The following NLGN1 variants were observed in gnomAD, a reference collection of about 807,000 sequenced individuals.
NLGN1 encodes neuroligin-1.
A neutral mutation model predicts 65.5 loss-of-function variants in NLGN1; 12 were observed. That is an observed-to-expected ratio of 0.18 (90% confidence interval 0.12 to 0.30). The LOEUF is 0.30. Ranked by LOEUF, NLGN1 falls within the 10% of genes least tolerant of loss-of-function variation. The pLI, the probability that NLGN1 is intolerant of heterozygous loss-of-function variation, is 1.00. For synonymous variants in NLGN1, 350 were observed against 359.5 expected (o/e 0.97, Z 0.30); for missense variants, 750 against 1,007.1 (o/e 0.74, Z 3.46).
At chr3:173,652,725 C>A (rs904200653) in intron 3 of NLGN1, among the ~76,000 whole-genome samples, 2 of 152,046 alleles carry the variant, frequency 1.3e-5, no homozygotes, top group Non-Finnish European at 2.9e-5. Flanking sequence ...TTTGGCTATT[C>A]GAGCTCTTTT....
chr3:174,135,538 C>T (rs781218088), intron 4 of NLGN1, among the ~76,000 whole-genome samples: 1 of 152,018 alleles, frequency 6.6e-6, no homozygotes, highest in Non-Finnish European at 1.5e-5. Flanking sequence ...TTTTTATTCA[C>T]TCTAGTTTTT....
At chr3:173,895,102 T>A (rs1201105219) in intron 4 of NLGN1, among the ~76,000 whole-genome samples, 1 of 152,134 alleles carries the variant, frequency 6.6e-6, no homozygotes, top group Non-Finnish European at 1.5e-5. Context: ...GATCTAATAA[T>A]TCAGTTTCTT....
At chr3:174,116,783 A>C (rs1716579734) in intron 4 of NLGN1, among the ~76,000 whole-genome samples, 1 of 152,200 alleles carries the variant, frequency 6.6e-6, no homozygotes, top group Non-Finnish European at 1.5e-5. Flanking sequence ...AGATAATGGC[A>C]ATTGAAATAG....
At chr3:174,160,298 A>C (rs990649379) in intron 4 of NLGN1, among the ~76,000 whole-genome samples, 1 of 151,728 alleles carries the variant, frequency 6.6e-6, no homozygotes, top group Non-Finnish European at 1.5e-5. Flanking sequence ...TTTGTGAAGA[A>C]GTTGTAGACC....
intron 4 of NLGN1, among the ~76,000 whole-genome samples, chr3:173,888,478 TTTGA>T (rs1734760848): frequency 6.6e-6 from 1 of 152,004 alleles, no homozygotes; most frequent in Non-Finnish European, 1.5e-5. Flanking sequence ...TCCCAGTAAA[TTTGA>T]TTGGCCATTG....
chr3:174,047,618 A>G (rs1461756385), intron 4 of NLGN1, among the ~76,000 whole-genome samples: 1 of 152,044 alleles, frequency 6.6e-6, no homozygotes, highest in Non-Finnish European at 1.5e-5. Flanking sequence ...GATGCATATA[A>G]GCAGGCACAC....
chr3:173,894,346 T>A (rs1735952481), intron 4 of NLGN1, among the ~76,000 whole-genome samples: 1 of 152,192 alleles, frequency 6.6e-6, no homozygotes, highest in Admixed American at 6.5e-5. Flanking sequence ...TTGCCAGGCA[T>A]AACTCATCTC....
At chr3:173,673,916 T>G (rs1190658958) in intron 3 of NLGN1, among the ~76,000 whole-genome samples, 1 of 152,110 alleles carries the variant, frequency 6.6e-6, no homozygotes, top group African/African-American at 2.4e-5. Flanking sequence ...TTACAAATTT[T>G]GGGGGAGTTA....
intron 4 of NLGN1, among the ~76,000 whole-genome samples, chr3:173,925,733 G>A (rs1334563728): frequency 3.9e-5 from 6 of 152,086 alleles, no homozygotes; most frequent in Non-Finnish European, 1.5e-5. Flanking sequence ...ATATATGTAA[G>A]TGTATTCTAA....
intron 4 of NLGN1, among the ~76,000 whole-genome samples, chr3:173,963,124 T>A (rs1188257483): frequency 6.6e-6 from 1 of 152,146 alleles, no homozygotes; most frequent in African/African-American, 2.4e-5. Flanking sequence ...TTATCTCATC[T>A]GACTTATGCT....
chr3:174,048,826 A>G (rs967049842), intron 4 of NLGN1, among the ~76,000 whole-genome samples: 3 of 152,128 alleles, frequency 2.0e-5, no homozygotes, highest in Non-Finnish European at 4.4e-5. Context: ...CAAATTAAAC[A>G]CACAAAGAAA....
intron 4 of NLGN1, among the ~76,000 whole-genome samples, chr3:174,044,870 A>G (rs1264154982): frequency 1.3e-5 from 2 of 152,024 alleles, no homozygotes; most frequent in Admixed American, 6.6e-5. Context: ...ATGAGATCCA[A>G]TGATCTTATA....
At chr3:173,663,635 T>A (rs145637415) in intron 3 of NLGN1, among the ~76,000 whole-genome samples, 1 of 151,912 alleles carries the variant, frequency 6.6e-6, no homozygotes, top group East Asian at 1.9e-4. Flanking sequence ...CACAAATGAA[T>A]CAGAAAAAAG....
In NLGN1 at chr3:173,795,905, G is replaced by A. The variant is rs115266296; in HGVS notation, c.494-11775G>A. On this transcript the variant is annotated intron_variant, in intron 3 of 6. Coordinates refer to ENST00000457714, the Ensembl canonical transcript of NLGN1. ...TGCTTTACAATCAGTTTACTTCAAA[G>A]ACTGCTGGGTCAAGAGGACAGGGGA... Among the ~76,000 whole-genome samples the A allele has an allele frequency of 2.5e-3, 378 of 152,168 alleles. 1 individual carries two copies. The highest frequency in any genetic ancestry group is 8.2e-3 in the African/African-American group (342 of 41,530).
At chr3:173,987,420 G>A (rs1166850581) in intron 4 of NLGN1, among the ~76,000 whole-genome samples, 1 of 152,112 alleles carries the variant, frequency 6.6e-6, no homozygotes, top group Non-Finnish European at 1.5e-5. Flanking sequence ...ATGTTTTGCA[G>A]CTAGAAAAGG....
At chr3:173,760,468 GTTTTTATTCT>G (rs1777808611) in intron 3 of NLGN1, among the ~76,000 whole-genome samples, 5 of 151,814 alleles carry the variant, frequency 3.3e-5, no homozygotes, top group Non-Finnish European at 5.9e-5. Flanking sequence ...GACGTGAGAA[GTTTTTATTCT>G]TGTTTTACTT....
intron 4 of NLGN1, among the ~76,000 whole-genome samples, chr3:173,929,474 A>G (rs569992958): frequency 6.6e-6 from 1 of 151,972 alleles, no homozygotes; most frequent in Admixed American, 6.6e-5. Flanking sequence ...CCACACACAG[A>G]GAGTTTTAAT....
intron 4 of NLGN1, among the ~76,000 whole-genome samples, chr3:173,907,860 C>T (rs577998146): frequency 3.9e-4 from 60 of 152,080 alleles, no homozygotes; most frequent in African/African-American, 1.3e-3. Context: ...GCTGGGATTA[C>T]AGGTGTGAGC....
intron 4 of NLGN1, among the ~76,000 whole-genome samples, chr3:174,234,600 T>C (rs958580727): frequency 3.0e-4 from 45 of 152,264 alleles, no homozygotes; most frequent in African/African-American, 1.1e-3. Context: ...TTAGGTTTTT[T>C]CTATCTATTG....
Sources: allele counts gnomAD v4.1 joint callset (sites outside exome capture counted in the v4.1 genomes callset), GRCh38; gene constraint gnomAD v4.1.1; transcripts MANE v1.5; gene names NCBI Gene and HGNC (gene_info 2026-07-23, HGNC 2026-07-21).